ST8SIA1: variants seen among roughly 807,000 people sequenced by gnomAD.
ST8SIA1 encodes alpha-N-acetylneuraminide alpha-2,8-sialyltransferase.
Under a neutral mutation model 35.9 loss-of-function variants are expected in ST8SIA1, and 16 were observed. That is an observed-to-expected ratio of 0.45 (90% CI 0.30 to 0.68). The LOEUF (loss-of-function observed/expected upper bound fraction) is 0.68. Ranked by LOEUF, ST8SIA1 falls within the 30% of genes least tolerant of loss-of-function variation. The pLI, the probability that ST8SIA1 is intolerant of heterozygous loss-of-function variation, is 0.09. For missense variants in ST8SIA1, 383 were observed against 453.6 expected (o/e 0.84, Z 1.41); for synonymous variants, 170 against 169.6 (o/e 1.00, Z -0.02).
At chr12:22,292,707 G>A (rs1162692842) in intron 1 of ST8SIA1, among the ~76,000 whole-genome samples, 4 of 152,096 alleles carry the variant, frequency 2.6e-5, no homozygotes, top group African/African-American at 9.7e-5. Context: ...GGTACACAGG[G>A]ACATAAAGAT....
In ST8SIA1 at chr12:22,289,463, A is replaced by G. The variant is rs140285862; in HGVS notation, c.237-2170T>C. ...CTCAGAACCATTTTGATTCATTTGT[A>G]TCTTTCTCTGCCCTAAAAAAAATGC... On this transcript the variant is annotated intron_variant, in intron 1 of 4. Transcript: ENST00000396037. Among the ~76,000 whole-genome samples the G allele has an allele frequency of 1.9e-4, 29 of 152,178 alleles. No homozygotes were observed. In the East Asian group the frequency reaches 4.2e-3, roughly 22 times the overall value.
chr12:22,199,756 C>A lies in ST8SIA1; in HGVS notation c.*1796G>T, dbSNP rs570407912. 2 of 152,234 alleles carry A rather than the reference C, an allele frequency of 1.3e-5. No homozygotes were observed. The highest frequency in any genetic ancestry group is 1.3e-4 in the Admixed American group (2 of 15,290). 9.4% of individuals were successfully genotyped at this position (152,234 alleles called of 1,614,324 possible). On this transcript the variant is annotated 3_prime_UTR_variant, in exon 5 of 5. Transcript: ENST00000396037. ...CTATGTTTATGTCATGTTAAATTAA[C>A]CCACAGAAAATACCAGCCATTATTG...
chr12:22,290,231 C>T (rs994396861), intron 1 of ST8SIA1, among the ~76,000 whole-genome samples: 3 of 152,182 alleles, frequency 2.0e-5, no homozygotes, highest in Non-Finnish European at 4.4e-5. Context: ...TTCCCTCTGC[C>T]ATGACCATCT....
intron 1 of ST8SIA1, among the ~76,000 whole-genome samples, chr12:22,308,701 G>T (rs1161595729): frequency 1.3e-5 from 2 of 150,720 alleles, no homozygotes; most frequent in African/African-American, 4.9e-5. Flanking sequence ...AAAGATATCT[G>T]AATGATCAAA....
At chr12:22,267,664 GC>G (rs1865863992) in intron 2 of ST8SIA1, among the ~76,000 whole-genome samples, 1 of 151,990 alleles carries the variant, frequency 6.6e-6, no homozygotes, top group South Asian at 2.1e-4. Flanking sequence ...GACCTGCTTG[GC>G]TTATCGTCTA....
At chr12:22,303,021 GAATTCCT>G (rs1866337065) in intron 1 of ST8SIA1, among the ~76,000 whole-genome samples, 1 of 152,106 alleles carries the variant, frequency 6.6e-6, no homozygotes, top group African/African-American at 2.4e-5. Context: ...ATGTTGTCAG[GAATTCCT>G]GAGGCTGTGT....
At chr12:22,321,057 G>A (rs78806759) in intron 1 of ST8SIA1, among the ~76,000 whole-genome samples, 4,980 of 134,156 alleles carry the variant, frequency 0.037, 120 homozygotes, top group East Asian at 0.086. Flanking sequence ...AAAAGAAAAG[G>A]AAGAGTCTGC....
At chr12:22,298,222 G>A (rs943202704) in intron 1 of ST8SIA1, among the ~76,000 whole-genome samples, 4 of 152,136 alleles carry the variant, frequency 2.6e-5, no homozygotes, top group Non-Finnish European at 4.4e-5. Context: ...GTTTCCCTGA[G>A]TTCTGTGAAC....
chr12:22,268,771 A>T (rs1293745470), intron 2 of ST8SIA1, among the ~76,000 whole-genome samples: 3 of 152,150 alleles, frequency 2.0e-5, no homozygotes, highest in Non-Finnish European at 4.4e-5. Flanking sequence ...ACATGTGGGG[A>T]TTATGGGAAC....
At chr12:22,278,282 CTG>C (rs766123871) in intron 2 of ST8SIA1, among the ~76,000 whole-genome samples, 2 of 152,064 alleles carry the variant, frequency 1.3e-5, no homozygotes, top group Non-Finnish European at 2.9e-5. Flanking sequence ...TGTAGAAATA[CTG>C]TGTTTTTTTC....
intron 2 of ST8SIA1, among the ~76,000 whole-genome samples, chr12:22,264,612 ATTAG>A (rs970518152): frequency 6.8e-5 from 10 of 147,866 alleles, no homozygotes; most frequent in Admixed American, 6.6e-4. Context: ...ATATCTGGTA[ATTAG>A]TTCAATTATT....
intron 1 of ST8SIA1, among the ~76,000 whole-genome samples, chr12:22,329,352 A>G (rs566646218): frequency 7.3e-5 from 11 of 151,548 alleles, no homozygotes; most frequent in African/African-American, 1.2e-4. Flanking sequence ...TGCTTTGGGG[A>G]AAAAAAAACA....
chr12:22,320,014 G>C (rs1866565978), intron 1 of ST8SIA1, among the ~76,000 whole-genome samples: 1 of 152,166 alleles, frequency 6.6e-6, no homozygotes, highest in Non-Finnish European at 1.5e-5. Flanking sequence ...TTGATTTCTT[G>C]CTTAAGATGA....
rs370876173 is a variant in ST8SIA1 at position 22,215,046 on chromosome 12, G to C, written c.585-13008C>G. ...TGTCCTGTGAATTCATTCCCTGGTA[G>C]TCTGGGTTCCTTCTCACCTTCTGCA... On this transcript the variant is annotated intron_variant, in intron 4 of 4. Coordinates refer to ENST00000396037, the MANE Select transcript of ST8SIA1 (RefSeq NM_003034.4). Among the ~76,000 whole-genome samples, 18 of 152,262 alleles carry C rather than the reference G, an allele frequency of 1.2e-4. No homozygotes were observed. The East Asian group carries it at 2.7e-3, about 23-fold the overall frequency.
At chr12:22,281,901 G>T (rs1053254426) in intron 2 of ST8SIA1, among the ~76,000 whole-genome samples, 9 of 151,920 alleles carry the variant, frequency 5.9e-5, no homozygotes, top group Non-Finnish European at 1.0e-4. Context: ...CCAGCTACTT[G>T]GGAGGTGGAG....
At chr12:22,279,674 C>G (rs1424669026) in intron 2 of ST8SIA1, among the ~76,000 whole-genome samples, 1 of 152,222 alleles carries the variant, frequency 6.6e-6, no homozygotes, top group Non-Finnish European at 1.5e-5. Flanking sequence ...TTATTATCTT[C>G]TGGTTATTGC....
rs1032521769 is a variant in ST8SIA1, at chr12:22,201,385, T to C, written c.*167A>G. ...AGGATGTTTCATTTCTTATTTGTCCTCCAAGCCAACGCTGAAAGTAAAGTT... is the reference window on the plus strand; with the variant it reads ...AGGATGTTTCATTTCTTATTTGTCCCCCAAGCCAACGCTGAAAGTAAAGTT... On this transcript the variant is annotated 3_prime_UTR_variant, in exon 5 of 5. Coordinates refer to ENST00000396037, the MANE Select transcript of ST8SIA1 (RefSeq NM_003034.4). 6.6e-6 allele frequency: 6 copies of C among 913,722 alleles called. No individual in the cohort carries two copies. The East Asian group carries it at 1.5e-4, about 23-fold the overall frequency. The allele number at this position is 913,722 out of a possible 1,614,324, so 56.6% of individuals were successfully genotyped here. A position where few individuals can be genotyped will look rare whatever the true frequency, so the allele number is the denominator to read the frequency against.
At chr12:22,289,424 T>C (rs1346544213) in intron 1 of ST8SIA1, among the ~76,000 whole-genome samples, 1 of 152,128 alleles carries the variant, frequency 6.6e-6, no homozygotes, top group African/African-American at 2.4e-5. Flanking sequence ...TTTCTCCTCT[T>C]TGCGAGCTAC....
chr12:22,259,470 T>G (rs1865762916), intron 2 of ST8SIA1, among the ~76,000 whole-genome samples: 1 of 106,984 alleles, frequency 9.3e-6, no homozygotes, highest in African/African-American at 3.5e-5. Flanking sequence ...ATGGATTTTT[T>G]TTTCTTTTTT....
Sources: gnomAD v4.1 joint callset for allele counts (sites outside exome capture counted in the v4.1 genomes callset) on GRCh38, gnomAD v4.1.1 for gene constraint, MANE v1.5 for transcripts, NCBI Gene and HGNC (gene_info 2026-07-23, HGNC 2026-07-21) for gene names.